The following FAM222A variants were observed in gnomAD, a reference collection of about 807,000 sequenced individuals.
FAM222A encodes family with sequence similarity 222 member A.
FAM222A carries 7 observed loss-of-function variants against 25.8 expected under a neutral mutation model. The observed-to-expected ratio is 0.27, with a 90% CI of 0.15 to 0.51. FAM222A has a LOEUF of 0.51. FAM222A is among the 20% of genes least tolerant of loss of function. The probability of loss-of-function intolerance (pLI) is 0.97; values close to 1 mark genes in which losing one functional copy is unlikely to be tolerated. For missense variants in FAM222A, 573 were observed against 640.5 expected, an observed-to-expected ratio of 0.89 and a Z score of 1.14; for synonymous variants, 294 against 298.8, an observed-to-expected ratio of 0.98 and a Z score of 0.17.
At chr12:109,732,500 C>G (rs1387591177) in intron 1 of FAM222A, among the ~76,000 whole-genome samples, 1 of 152,250 alleles carries the variant, frequency 6.6e-6, no homozygotes, top group Non-Finnish European at 1.5e-5. Flanking sequence ...GGGCGCGGAG[C>G]AGCCGTTGTT....
chr12:109,719,985 C>T (rs922744789), intron 1 of FAM222A: 3 of 538,882 alleles, frequency 5.6e-6, no homozygotes, highest in South Asian at 1.6e-4. Flanking sequence ...TTATTTTACC[C>T]CTCTGTGCCT....
chr12:109,763,329 A>G (rs1280872055), intron 2 of FAM222A, among the ~76,000 whole-genome samples: 2 of 152,218 alleles, frequency 1.3e-5, no homozygotes, highest in Non-Finnish European at 2.9e-5. Flanking sequence ...GCCGTGTGAC[A>G]AGTAAAACTC....
At chr12:109,737,848 A>G (rs1434435848) in intron 1 of FAM222A, among the ~76,000 whole-genome samples, 1 of 152,174 alleles carries the variant, frequency 6.6e-6, no homozygotes, top group Non-Finnish European at 1.5e-5. Context: ...ATTAACATTT[A>G]ATTATTAACA....
Position 109,714,012 on chromosome 12 carries a change from GC to G in FAM222A, c.-927del, listed in dbSNP as rs1887585925. On this transcript the variant is annotated 5_prime_UTR_variant, in exon 1 of 3. Coordinates refer to ENST00000538780, the MANE Select transcript of FAM222A (RefSeq NM_032829.3). This position sits in a 1 kb window ranked among gnomAD's most constrained non-coding sequence, Gnocchi z 4.2. ...ACGGCGCGAGGCTGCGGCCCCGGGA[GC>G]CCCCGCGCGCCGCCCGGGGCCATGG... is the stretch of plus-strand genomic sequence containing the variant. Among the ~76,000 whole-genome samples the G allele has an allele frequency of 6.8e-6, 1 of 147,642 alleles. No individual in the cohort carries two copies. The highest frequency in any genetic ancestry group is 1.5e-5 in the Non-Finnish European group (1 of 66,472).
chr12:109,768,724 A>T lies in FAM222A; in HGVS notation c.795A>T (p.Gln265His). The T allele has an allele frequency of 6.3e-7, 1 of 1,579,506 alleles. No individual in the cohort carries two copies. Residue 265 changes from glutamine to histidine, a missense_variant, in exon 3 of 3, where the codon CAA becomes CAT. Gln to His is a conservative substitution (Grantham distance 24). Transcript: ENST00000538780. ...CTGAGCTGGGCCAGGGAGCCACCCAAGCCTTGACGTTGGCTGGGGCCGCCA... is the reference window on the plus strand; with the variant it reads ...CTGAGCTGGGCCAGGGAGCCACCCATGCCTTGACGTTGGCTGGGGCCGCCA... ...KGTELGQGAT[Q>H]ALTLAGAAKP... is the part of the protein sequence containing the mutation.
intron 1 of FAM222A, among the ~76,000 whole-genome samples, chr12:109,738,349 C>T (rs757446776): frequency 2.0e-5 from 3 of 152,208 alleles, no homozygotes; most frequent in Admixed American, 6.5e-5. Context: ...CAGGGTCTGA[C>T]CCTAGTATTC....
In FAM222A at chr12:109,744,255, G is replaced by A. The variant is rs562134768; in HGVS notation, c.82+27G>A. On this transcript the variant is annotated intron_variant, in intron 2 of 2. Coordinates refer to ENST00000538780, the MANE Select transcript of FAM222A (RefSeq NM_032829.3). Reference sequence around the variant, plus strand: ...TGAGTAGGACGCCTCCCCAGCCTTTGCAGGGCAGGTCGTGGGCAGAGAACG... The same window carrying A: ...TGAGTAGGACGCCTCCCCAGCCTTTACAGGGCAGGTCGTGGGCAGAGAACG... 9.2e-5 allele frequency: 148 copies of A among 1,603,476 alleles called. 3 individuals are homozygous for A. The South Asian group carries it at 1.5e-3, about 17-fold the overall frequency.
Position 109,713,950 on chromosome 12 carries a change from C to A in FAM222A, c.-994C>A, listed in dbSNP as rs1388633933. ...CCTGTGGGGCGCGGCGCGCGGCACC[C>A]GGGCCTGAGACCAGGCGAGGCGCCG... is the stretch of plus-strand genomic sequence containing the variant. On this transcript the variant is annotated 5_prime_UTR_variant, in exon 1 of 3. Coordinates refer to ENST00000538780, the MANE Select transcript of FAM222A (RefSeq NM_032829.3). Among the ~76,000 whole-genome samples the A allele has an allele frequency of 6.9e-6, 1 of 145,866 alleles. No individual in the cohort carries two copies. The highest frequency in any genetic ancestry group is 2.1e-4 in the South Asian group (1 of 4,790).
In FAM222A at chr12:109,769,532, C is replaced by T. The variant is rs1889183360; in HGVS notation, c.*244C>T. On this transcript the variant is annotated 3_prime_UTR_variant, in exon 3 of 3. Transcript: ENST00000538780. Reference sequence around the variant, plus strand: ...CACAGTGAGGGCCTGGGGGCAGCCACTGACGCCCATGCCTTCCTTTATCTA... The same window carrying T: ...CACAGTGAGGGCCTGGGGGCAGCCATTGACGCCCATGCCTTCCTTTATCTA... 2 of 550,922 alleles carry T rather than the reference C, an allele frequency of 3.6e-6. No individual in the cohort carries two copies. The highest frequency in any genetic ancestry group is 6.4e-6 in the Non-Finnish European group (2 of 312,656). The allele number at this position is 550,922 out of a possible 1,614,324, so 34.1% of individuals were successfully genotyped here. A position where few individuals can be genotyped will look rare whatever the true frequency, so the allele number is the denominator to read the frequency against.
intron 1 of FAM222A, among the ~76,000 whole-genome samples, chr12:109,728,104 A>T (rs1046927522): frequency 2.0e-5 from 3 of 152,172 alleles, no homozygotes; most frequent in African/African-American, 7.2e-5. Flanking sequence ...TTGGTACCTA[A>T]GCACACTCGG....
intron 1 of FAM222A, among the ~76,000 whole-genome samples, chr12:109,718,353 G>A (rs998649754): frequency 1.5e-5 from 2 of 134,476 alleles, no homozygotes; most frequent in Non-Finnish European, 3.0e-5. Flanking sequence ...GAGCTTCTGC[G>A]GGGGCTGGGA....
chr12:109,754,572 C>T (rs974269865), intron 2 of FAM222A, among the ~76,000 whole-genome samples: 1 of 152,132 alleles, frequency 6.6e-6, no homozygotes, highest in Non-Finnish European at 1.5e-5. Context: ...CACAGACATA[C>T]ATAAATGAAT....
intron 1 of FAM222A, among the ~76,000 whole-genome samples, chr12:109,730,592 C>T (rs1206570889): frequency 3.3e-5 from 5 of 152,168 alleles, no homozygotes; most frequent in Non-Finnish European, 7.4e-5. Context: ...GGAAGGACCC[C>T]TCTTCTCTGG....
chr12:109,717,363 G>A (rs1166090668), intron 1 of FAM222A, among the ~76,000 whole-genome samples: 1 of 152,212 alleles, frequency 6.6e-6, no homozygotes, highest in African/African-American at 2.4e-5. Context: ...GGGAGGCGGT[G>A]AAGCTGCCCC....
intron 2 of FAM222A, among the ~76,000 whole-genome samples, chr12:109,762,679 G>C (rs965149003): frequency 6.6e-6 from 1 of 152,226 alleles, no homozygotes; most frequent in Non-Finnish European, 1.5e-5. Flanking sequence ...CCTTCACCAA[G>C]CTGGGGTCAG....
intron 2 of FAM222A, among the ~76,000 whole-genome samples, chr12:109,765,736 T>C (rs1489574366): frequency 6.6e-6 from 1 of 152,194 alleles, no homozygotes; most frequent in African/African-American, 2.4e-5. Context: ...CCAGCAGCCT[T>C]CTGATCAGTG....
At chr12:109,727,615 A>G (rs1025456455) in intron 1 of FAM222A, among the ~76,000 whole-genome samples, 3 of 152,192 alleles carry the variant, frequency 2.0e-5, no homozygotes, top group African/African-American at 4.8e-5. Flanking sequence ...AGATGCAGAC[A>G]CTGAGGTTCA....
chr12:109,749,078 A>G (rs553468005), intron 2 of FAM222A, among the ~76,000 whole-genome samples: 1 of 152,076 alleles, frequency 6.6e-6, no homozygotes, highest in Admixed American at 6.5e-5. Flanking sequence ...ATCCACACAA[A>G]TAGTAGGTGT....
At chr12:109,738,681 G>A (rs898419327) in intron 1 of FAM222A, among the ~76,000 whole-genome samples, 3 of 152,208 alleles carry the variant, frequency 2.0e-5, no homozygotes, top group African/African-American at 2.4e-5. Context: ...GTCCCTGCTC[G>A]AGATTCTAAG....
Sources: allele counts gnomAD v4.1 joint callset (sites outside exome capture counted in the v4.1 genomes callset), GRCh38; gene constraint gnomAD v4.1.1; non-coding constraint Gnocchi (gnomAD v3.1); transcripts MANE v1.5; gene names NCBI Gene and HGNC (gene_info 2026-07-23, HGNC 2026-07-21).